Variants in CLNK observed in about 807,000 individuals in gnomAD.
CLNK encodes cytokine dependent hematopoietic cell linker.
Under a neutral mutation model 68.6 loss-of-function variants are expected in CLNK, and 74 were observed. That is an observed-to-expected ratio of 1.08 (90% CI 0.89 to 1.31). The LOEUF (loss-of-function observed/expected upper bound fraction) is 1.31. Ranked by LOEUF, CLNK falls within the 50% of genes most tolerant of loss-of-function variation. The pLI, the probability that CLNK is intolerant of heterozygous loss-of-function variation, is 0.00. For missense variants in CLNK, 553 were observed against 515.3 expected (o/e 1.07, Z -0.71); for synonymous variants, 198 against 172.2 (o/e 1.15, Z -1.17).
At position 10,677,263 on chromosome 4, in the gene CLNK, C is replaced by T. The variant is rs184730409; in HGVS notation, c.-43+7405G>A. Among the ~76,000 whole-genome samples the T allele has an allele frequency of 2.6e-4, 40 of 152,220 alleles. 1 individual carries two copies. In the East Asian group the frequency reaches 6.7e-3, roughly 26 times the overall value. On this transcript the variant is annotated intron_variant, in intron 1 of 18. Coordinates refer to ENST00000226951, the MANE Select transcript of CLNK (RefSeq NM_052964.4). Reference sequence around the variant, plus strand: ...CAGTAAACCCCACCATTCCCATGGACGTCTAAAGGCTAATGGCAAAAACAC... The same window carrying T: ...CAGTAAACCCCACCATTCCCATGGATGTCTAAAGGCTAATGGCAAAAACAC...
At chr4:10,518,959 C>A (rs992167192) in intron 15 of CLNK, among the ~76,000 whole-genome samples, 1 of 152,142 alleles carries the variant, frequency 6.6e-6, no homozygotes, top group African/African-American at 2.4e-5. Flanking sequence ...AGTATCGGTT[C>A]AGTAGCTGAT....
intron 2 of CLNK, 31 bp from the exon 3 acceptor site, chr4:10,598,080 G>A: frequency 2.1e-6 from 3 of 1,443,146 alleles, no homozygotes; most frequent in Middle Eastern, 1.8e-4. Flanking sequence ...TTATAGCTGG[G>A]AAATAGCAAG....
intron 2 of CLNK, among the ~76,000 whole-genome samples, chr4:10,640,293 T>A (rs549684897): frequency 1.3e-5 from 2 of 152,276 alleles, no homozygotes; most frequent in South Asian, 2.1e-4. Flanking sequence ...GCCTCCCAAG[T>A]AGCTGGGATT....
intron 17 of CLNK, among the ~76,000 whole-genome samples, chr4:10,503,233 G>T (rs1248180701): frequency 6.6e-6 from 1 of 152,098 alleles, no homozygotes; most frequent in East Asian, 1.9e-4. Context: ...GGCCGACGCG[G>T]GTGGATCACT....
intron 2 of CLNK, among the ~76,000 whole-genome samples, chr4:10,644,072 G>A (rs1283341445): frequency 6.6e-6 from 1 of 152,216 alleles, no homozygotes; most frequent in Non-Finnish European, 1.5e-5. Flanking sequence ...AGGGGAGCCC[G>A]TGGAATGTCA....
At chr4:10,557,174 T>C (rs1445278290) in intron 8 of CLNK, among the ~76,000 whole-genome samples, 2 of 152,074 alleles carry the variant, frequency 1.3e-5, no homozygotes, top group Non-Finnish European at 2.9e-5. Context: ...GGAGTGTGCC[T>C]TAGGTTTTGG....
intron 2 of CLNK, among the ~76,000 whole-genome samples, chr4:10,647,132 T>G (rs564972952): frequency 3.9e-5 from 6 of 152,182 alleles, no homozygotes; most frequent in African/African-American, 1.4e-4. Flanking sequence ...CCCTACTAAG[T>G]GGGTCCAGTC....
intron 15 of CLNK, among the ~76,000 whole-genome samples, chr4:10,516,575 G>A (rs1717844396): frequency 6.8e-6 from 1 of 147,506 alleles, no homozygotes; most frequent in Non-Finnish European, 1.5e-5. Context: ...TTTCTGAGAT[G>A]GAGTTTTGCT....
chr4:10,512,371 C>G (rs1006610265), intron 16 of CLNK, among the ~76,000 whole-genome samples: 1 of 152,022 alleles, frequency 6.6e-6, no homozygotes, highest in African/African-American at 2.4e-5. Context: ...GCTGGGATTA[C>G]AGGCATGTGC....
At chr4:10,547,191 G>A (rs1719266389) in intron 8 of CLNK, among the ~76,000 whole-genome samples, 1 of 152,176 alleles carries the variant, frequency 6.6e-6, no homozygotes, top group Admixed American at 6.5e-5. Context: ...AGCACGAGGA[G>A]GAGGTAAGCC....
intron 16 of CLNK, among the ~76,000 whole-genome samples, chr4:10,512,432 T>A (rs1218214047): frequency 6.6e-6 from 1 of 152,034 alleles, no homozygotes; most frequent in African/African-American, 2.4e-5. Flanking sequence ...AGTTTCTCCA[T>A]GTTGGTCAAG....
At chr4:10,653,290 G>C (rs925509154) in intron 2 of CLNK, among the ~76,000 whole-genome samples, 1 of 151,964 alleles carries the variant, frequency 6.6e-6, no homozygotes, top group Non-Finnish European at 1.5e-5. Flanking sequence ...GTATACCTAT[G>C]TGTCATGGGT....
chr4:10,669,280 C>T (rs969466857), intron 1 of CLNK, among the ~76,000 whole-genome samples: 1 of 152,188 alleles, frequency 6.6e-6, no homozygotes, highest in Admixed American at 6.5e-5. Flanking sequence ...TCCGTGACAT[C>T]CCTCCTCTTA....
chr4:10,697,834 T>A, the CLNK span, among the ~76,000 whole-genome samples: 1 of 152,236 alleles, frequency 6.6e-6, no homozygotes, highest in Non-Finnish European at 1.5e-5. Flanking sequence ...AATAGCCACC[T>A]TGCCTTTGCT....
intron 11 of CLNK, among the ~76,000 whole-genome samples, chr4:10,539,193 C>T (rs990934712): frequency 6.6e-5 from 10 of 152,236 alleles, no homozygotes; most frequent in Admixed American, 2.0e-4. Context: ...CCCATGCTGC[C>T]ATGGCAGTTG....
At chr4:10,532,882 C>A (rs917667453) in intron 11 of CLNK, among the ~76,000 whole-genome samples, 1 of 152,238 alleles carries the variant, frequency 6.6e-6, no homozygotes, top group African/African-American at 2.4e-5. Context: ...ATTAACTTCT[C>A]TAAACCTCAC....
intron 2 of CLNK, among the ~76,000 whole-genome samples, chr4:10,640,140 G>A (rs1456614376): frequency 6.6e-6 from 1 of 152,106 alleles, no homozygotes; most frequent in Admixed American, 6.5e-5. Flanking sequence ...GTTGCATGGA[G>A]GAGGACAATG....
chr4:10,619,468 T>A (rs2531200), intron 2 of CLNK, among the ~76,000 whole-genome samples: 105,656 of 152,032 alleles, frequency 0.69, 37,627 homozygotes, highest in Non-Finnish European at 0.77. Flanking sequence ...ATGAAATGTT[T>A]TGAGCTACCA....
At chr4:10,682,244 A>G (rs1725121983) in intron 1 of CLNK, among the ~76,000 whole-genome samples, 1 of 152,034 alleles carries the variant, frequency 6.6e-6, no homozygotes. Flanking sequence ...AAAAATCATA[A>G]ATAGAATTTA....
Sources: allele counts gnomAD v4.1 joint callset (sites outside exome capture counted in the v4.1 genomes callset), GRCh38; gene constraint gnomAD v4.1.1; transcripts MANE v1.5; gene names NCBI Gene and HGNC (gene_info 2026-07-23, HGNC 2026-07-21).